RIT1: variants seen among roughly 807,000 people sequenced by gnomAD.
The protein encoded by RIT1 is GTP-binding protein Rit1.
Under a neutral mutation model 25.6 loss-of-function variants are expected in RIT1, and 6 were observed. The observed-to-expected ratio is 0.23, with a 90% CI of 0.13 to 0.46. The LOEUF is 0.46. Among genes scored for constraint, RIT1 ranks in the 20% least tolerant of loss-of-function variants. The pLI is 0.99. For missense variants in RIT1, 219 were observed against 284.4 expected (o/e 0.77, Z 1.65); for synonymous variants, 81 against 94.1 (o/e 0.86, Z 0.80).
At position 155,899,817 on chromosome 1, in the gene RIT1, T is replaced by C. The variant is rs1454998145; in HGVS notation, c.*571A>G. 4.6e-6 allele frequency: 1 copy of C among 217,256 alleles called. No homozygotes were observed. The highest frequency in any genetic ancestry group is 2.3e-5 in the African/African-American group (1 of 44,322). The allele number at this position is 217,256 out of a possible 1,614,324, so 13.5% of individuals were successfully genotyped here. On this transcript the variant is annotated 3_prime_UTR_variant, in exon 6 of 6. Transcript: ENST00000368323. Reference sequence around the variant, plus strand: ...GAATACTGTTCTGAACCTACCTTTTTAAGTCCCTGCAAACATATAGCCCAA... The same window carrying C: ...GAATACTGTTCTGAACCTACCTTTTCAAGTCCCTGCAAACATATAGCCCAA...
intron 1 of RIT1, 190 bp from the exon 2 acceptor site, chr1:155,910,994 G>T: frequency 7.7e-7 from 1 of 1,303,198 alleles, no homozygotes; most frequent in Non-Finnish European, 1.1e-6. Flanking sequence ...CTCCTAGACA[G>T]TTCAGTCACA....
At position 155,911,278 on chromosome 1, in the gene RIT1, G is replaced by A. The variant is rs984161203; in HGVS notation, c.-79C>T. 3.7e-6 allele frequency: 1 copy of A among 272,616 alleles called. No individual in the cohort carries two copies. Among genetic ancestry groups the A allele is most frequent in the Non-Finnish European group, 7.0e-6 (1 of 142,634 alleles). The allele number at this position is 272,616 out of a possible 1,614,324, so 16.9% of individuals were successfully genotyped here. A position where few individuals can be genotyped will look rare whatever the true frequency, so the allele number is the denominator to read the frequency against. ...GACGCCCTGCTGCTCCTACTGGTCA[G>A]TGGGGACTGGAACACCACAGCCGGT... On this transcript the variant is annotated 5_prime_UTR_variant, in exon 1 of 6. Transcript: ENST00000368323.
intron 3 of RIT1, among the ~76,000 whole-genome samples, chr1:155,909,384 A>C (rs556640708): frequency 1.5e-4 from 23 of 151,964 alleles, no homozygotes; most frequent in African/African-American, 5.3e-4. Flanking sequence ...TCTCCAAAAA[A>C]AAAAACAAAA....
rs910739453 is a variant in RIT1, at chr1:155,899,599, G to C, written c.*789C>G. On this transcript the variant is annotated 3_prime_UTR_variant, in exon 6 of 6. Transcript: ENST00000368323. ...CCAACTATGAATTTTGATTAAACACGTTTAGTAATACAGTTATGATTCCCA... is the reference window on the plus strand; with the variant it reads ...CCAACTATGAATTTTGATTAAACACCTTTAGTAATACAGTTATGATTCCCA... 2 of 222,716 alleles carry C rather than the reference G, an allele frequency of 9.0e-6. No individual in the cohort carries two copies. The highest frequency in any genetic ancestry group is 1.2e-4 in the Admixed American group (2 of 17,328). The allele number at this position is 222,716 out of a possible 1,614,324, so 13.8% of individuals were successfully genotyped here. A position where few individuals can be genotyped will look rare whatever the true frequency, so the allele number is the denominator to read the frequency against.
chr1:155,906,971 A>G (rs1440056288), intron 3 of RIT1, among the ~76,000 whole-genome samples: 1 of 151,612 alleles, frequency 6.6e-6, no homozygotes. Context: ...AGCTGGGCTT[A>G]GTGGCCTACG....
rs543706593 is a variant in RIT1, at chr1:155,898,541, A to ATATATATATATATATATATATATC, written c.*1846_*1847insGATATATATATATATATATATATA. The ATATATATATATATATATATATATC allele has an allele frequency of 5.1e-5, 6 of 117,334 alleles. No individual in the cohort carries two copies. Among genetic ancestry groups the ATATATATATATATATATATATATC allele is most frequent in the African/African-American group, 1.9e-4 (6 of 31,510 alleles). 7.3% of individuals were successfully genotyped at this position (117,334 alleles called of 1,614,324 possible). On this transcript the variant is annotated 3_prime_UTR_variant, in exon 6 of 6. Transcript: ENST00000368323. ...AAAATATATATATATATATATATATATATCTCTTAATGTTAATAACAATTC... is the reference window on the plus strand; with the variant it reads ...AAAATATATATATATATATATATATATATATATATATATATATATATATCTATCTCTTAATGTTAATAACAATTC...
chr1:155,910,381 A>G, intron 3 of RIT1, 69 bp downstream of exon 3: 1 of 1,311,144 alleles, frequency 7.6e-7, no homozygotes, highest in Non-Finnish European at 1.1e-6. Flanking sequence ...AAATAGTTAG[A>G]AACTACTGAT....
chr1:155,902,928 C>T (rs932644022), intron 5 of RIT1, among the ~76,000 whole-genome samples: 2 of 149,840 alleles, frequency 1.3e-5, no homozygotes, highest in Non-Finnish European at 1.5e-5. Flanking sequence ...TTTGGGAGGC[C>T]GAGGTGGGAA....
Position 155,897,880 on chromosome 1 carries a change from CT to C in RIT1, c.*2507del, listed in dbSNP as rs761012108. On this transcript the variant is annotated 3_prime_UTR_variant, in exon 6 of 6. Coordinates refer to ENST00000368323, the MANE Select transcript of RIT1 (RefSeq NM_006912.6). ...AGTGCATTAAAAAAATTATCCCCCC[CT>C]CCTCCTCCCCAAACATCACAGTAGA... The C allele has an allele frequency of 3.3e-5, 5 of 152,182 alleles. No individual in the cohort carries two copies. The highest frequency in any genetic ancestry group is 4.8e-5 in the African/African-American group (2 of 41,394). The allele number at this position is 152,182 out of a possible 1,614,324, so 9.4% of individuals were successfully genotyped here.
chr1:155,907,552 G>A (rs1017591004), intron 3 of RIT1, among the ~76,000 whole-genome samples: 13 of 152,102 alleles, frequency 8.5e-5, no homozygotes, highest in Non-Finnish European at 1.8e-4. Flanking sequence ...CTCCGCACCC[G>A]GCCTTGTATG....
chr1:155,902,112 A>G (rs940614132), intron 5 of RIT1, among the ~76,000 whole-genome samples: 6 of 152,156 alleles, frequency 3.9e-5, no homozygotes, highest in Non-Finnish European at 7.3e-5. Context: ...AAGAGGATGT[A>G]GCCTCTGGGA....
At chr1:155,902,277 T>TG (rs1412714336) in intron 5 of RIT1, among the ~76,000 whole-genome samples, 1 of 151,468 alleles carries the variant, frequency 6.6e-6, no homozygotes, top group Non-Finnish European at 1.5e-5. Flanking sequence ...TTACCAAAAG[T>TG]GGTTCTACAA....
Position 155,910,692 on chromosome 1 carries a change from G to C in RIT1, c.70C>G (p.Leu24Val). 1 of 1,614,232 alleles carries C rather than the reference G, an allele frequency of 6.2e-7. No individual in the cohort carries two copies. Among genetic ancestry groups the C allele is most frequent in the Non-Finnish European group, 8.5e-7 (1 of 1,180,040 alleles). ...ACACCACCAGCACCCAGCATCACTA[G>C]TTTGTACTCCCGTGAGAGCCCAGCG... ...SPAGLSREYK[L>V]VMLGAGGVGK... The change falls in exon 2 of 6, where the codon CTA (leucine) becomes GTA (valine). Residue 24 changes from leucine to valine, a missense_variant. This residue lies in a region of RIT1 where 131 missense variants were observed against 173.6 expected (regional missense o/e 0.75). Coordinates refer to ENST00000368323, the MANE Select transcript of RIT1 (RefSeq NM_006912.6).
chr1:155,904,709 A>G (rs999921264), intron 4 of RIT1, 22 bp downstream of exon 4: 7 of 1,575,678 alleles, frequency 4.4e-6, no homozygotes, highest in Admixed American at 1.7e-5. Flanking sequence ...GCCTTTACTC[A>G]TAACATTCTG....
chr1:155,907,308 C>T (rs975291656), intron 3 of RIT1, among the ~76,000 whole-genome samples: 16 of 150,166 alleles, frequency 1.1e-4, no homozygotes, highest in African/African-American at 3.7e-4. Context: ...GGTGCAATCT[C>T]GGCTCACTGC....
chr1:155,907,128 A>C (rs1202495647), intron 3 of RIT1, among the ~76,000 whole-genome samples: 5 of 152,124 alleles, frequency 3.3e-5, no homozygotes. Context: ...AAAAGAAAAG[A>C]AAATATCAGA....
rs12036312 is a variant in RIT1, at chr1:155,906,779, A to G, written c.164-1975T>C. Among the ~76,000 whole-genome samples, 350 of 123,298 alleles carry G rather than the reference A, an allele frequency of 2.8e-3. 32 individuals are homozygous for G. Among genetic ancestry groups the G allele is most frequent in the East Asian group, 7.3e-3 (32 of 4,384 alleles). 80.9% of individuals were successfully genotyped at this position (123,298 alleles called of 152,430 possible). On this transcript the variant is annotated intron_variant, in intron 3 of 5. Transcript: ENST00000368323. ...CTCCGTCTCAAAAAAAAAAAAAAAA[A>G]AAAAAGAAAAAAAGAAAAAAAAAGA...
chr1:155,908,230 C>G (rs1301122419), intron 3 of RIT1, among the ~76,000 whole-genome samples: 3 of 151,866 alleles, frequency 2.0e-5, no homozygotes, highest in Non-Finnish European at 2.9e-5. Context: ...CCAAGGCAGA[C>G]AGATCACGAG....
intron 5 of RIT1, among the ~76,000 whole-genome samples, chr1:155,901,016 T>C (rs942632370): frequency 6.6e-6 from 1 of 152,188 alleles, no homozygotes; most frequent in African/African-American, 2.4e-5. Flanking sequence ...GGTTTCTCCA[T>C]GTTGGTCAGG....
Sources: gnomAD v4.1 joint callset for allele counts (sites outside exome capture counted in the v4.1 genomes callset) on GRCh38, gnomAD v4.1.1 for gene constraint, gnomAD v4.1.1 regional missense constraint, MANE v1.5 for transcripts, NCBI Gene and HGNC (gene_info 2026-07-23, HGNC 2026-07-21) for gene names.